LIFR: variants seen among roughly 807,000 people sequenced by gnomAD.
LIFR encodes the protein leukemia inhibitory factor receptor.
Under a neutral mutation model 122.2 loss-of-function variants are expected in LIFR, and 84 were observed. The observed-to-expected ratio is 0.69, with a 90% CI of 0.58 to 0.82. The LOEUF (loss-of-function observed/expected upper bound fraction) is 0.82, where lower values mean the gene tolerates loss of function less well. Among genes scored for constraint, LIFR ranks in the 40% least tolerant of loss-of-function variants. LIFR has a pLI of 0.00. For synonymous variants in LIFR, 422 were observed against 434.7 expected, an observed-to-expected ratio of 0.97 and a Z score of 0.36; for missense variants, 1,294 against 1,311.6, an observed-to-expected ratio of 0.99 and a Z score of 0.21.
At chr5:38,552,760 G>A (rs937247198) in intron 1 of LIFR, among the ~76,000 whole-genome samples, 5 of 152,146 alleles carry the variant, frequency 3.3e-5, no homozygotes, top group South Asian at 2.1e-4. Flanking sequence ...CAGTATAACC[G>A]ATTGGCTGAT....
chr5:38,538,252 C>T (rs1479655663), intron 1 of LIFR, among the ~76,000 whole-genome samples: 1 of 152,174 alleles, frequency 6.6e-6, no homozygotes, highest in Non-Finnish European at 1.5e-5. Context: ...GCCTACTGCT[C>T]CTTCTATCCT....
chr5:38,557,619 C>G (rs2112681860), upstream of LIFR: 1 of 154,834 alleles, frequency 6.5e-6, no homozygotes, highest in South Asian at 2.0e-4. Context: ...AGCACCAAGG[C>G]CAACGTGTTT....
At chr5:38,494,995 G>A (rs573768453) in intron 13 of LIFR, among the ~76,000 whole-genome samples, 1 of 152,272 alleles carries the variant, frequency 6.6e-6, no homozygotes, top group African/African-American at 2.4e-5. Context: ...ACTACTAAAC[G>A]CAAGACAACA....
intron 12 of LIFR, among the ~76,000 whole-genome samples, chr5:38,496,979 A>T (rs1274717661): frequency 6.6e-6 from 1 of 151,732 alleles, no homozygotes; most frequent in East Asian, 1.9e-4. Context: ...TCCATCTCAA[A>T]AACAAAAAAC....
intron 15 of LIFR, 27 bp downstream of exon 15, chr5:38,490,163 T>C (rs777960551): frequency 9.9e-7 from 1 of 1,014,600 alleles, no homozygotes; most frequent in Middle Eastern, 2.1e-4. Flanking sequence ...CCTTGAGCTC[T>C]TATAAATAAG....
At chr5:38,531,393 A>C (rs926169501) in intron 1 of LIFR, among the ~76,000 whole-genome samples, 9 of 152,172 alleles carry the variant, frequency 5.9e-5, no homozygotes, top group Non-Finnish European at 1.3e-4. Flanking sequence ...AGCAAAGGCT[A>C]AAATATTAAA....
chr5:38,515,621 A>G (rs1484221706), intron 5 of LIFR, among the ~76,000 whole-genome samples: 1 of 150,924 alleles, frequency 6.6e-6, no homozygotes, highest in Non-Finnish European at 1.5e-5. Flanking sequence ...AGGAGCAGAG[A>G]GAAATGAGGC....
At chr5:38,567,866 T>G (rs1185797840) in intron 1 of LIFR, among the ~76,000 whole-genome samples, 1 of 152,102 alleles carries the variant, frequency 6.6e-6, no homozygotes, top group Non-Finnish European at 1.5e-5. Flanking sequence ...ATGAGGTTAA[T>G]ATTCCCCCAG....
chr5:38,514,757 T>C (rs1745985669), intron 5 of LIFR, among the ~76,000 whole-genome samples: 1 of 152,318 alleles, frequency 6.6e-6, no homozygotes, highest in East Asian at 1.9e-4. Flanking sequence ...GTGCTAAACA[T>C]GTGCAGACAC....
chr5:38,548,371 T>G (rs1370245023), intron 1 of LIFR, among the ~76,000 whole-genome samples: 3 of 152,204 alleles, frequency 2.0e-5, no homozygotes, highest in Non-Finnish European at 4.4e-5. Flanking sequence ...GAGGCAATGT[T>G]TGTGTTCAGT....
At chr5:38,593,634 T>A (rs1056726593) in intron 1 of LIFR, among the ~76,000 whole-genome samples, 2 of 152,060 alleles carry the variant, frequency 1.3e-5, no homozygotes, top group Non-Finnish European at 2.9e-5. Context: ...ACAGAATGAA[T>A]GTTTATGTCT....
At chr5:38,590,932 A>G (rs1749903422) in intron 1 of LIFR, among the ~76,000 whole-genome samples, 1 of 152,200 alleles carries the variant, frequency 6.6e-6, no homozygotes. Context: ...TGGTGAAGCA[A>G]TGTTGAGAAA....
intron 7 of LIFR, among the ~76,000 whole-genome samples, chr5:38,509,991 T>C (rs572768273): frequency 6.2e-4 from 94 of 152,328 alleles, no homozygotes; most frequent in African/African-American, 2.2e-3. Flanking sequence ...CCTGCCAGCC[T>C]GTTCTCCTCA....
chr5:38,549,762 G>A lies in LIFR; in HGVS notation c.-20+6572C>T, dbSNP rs539758036. ...GCTGAGACTGCGCCACTGCACGCCA[G>A]CCAGGGCAACACAGCGAGACTCCGT... On this transcript the variant is annotated intron_variant, in intron 1 of 19. Transcript: ENST00000453190. Among the ~76,000 whole-genome samples the A allele has an allele frequency of 2.4e-4, 37 of 152,326 alleles. 2 individuals carry two copies. The South Asian group carries it at 7.2e-3, about 30-fold the overall frequency.
intron 1 of LIFR, among the ~76,000 whole-genome samples, chr5:38,583,944 T>C (rs1448488706): frequency 6.6e-6 from 1 of 152,160 alleles, no homozygotes; most frequent in African/African-American, 2.4e-5. Context: ...CCTGCTGCCA[T>C]GTAAGATGTA....
At chr5:38,485,430 T>C (rs754604482) in intron 17 of LIFR, among the ~76,000 whole-genome samples, 22 of 152,204 alleles carry the variant, frequency 1.4e-4, no homozygotes, top group Non-Finnish European at 1.2e-4. Context: ...CTCTCAAATT[T>C]GAGTGTTGTG....
chr5:38,588,427 G>A lies in LIFR; in HGVS notation c.-20+6834C>T, dbSNP rs539899712. Among the ~76,000 whole-genome samples the A allele has an allele frequency of 1.5e-4, 23 of 152,288 alleles. No homozygotes were observed. In the East Asian group the frequency reaches 2.1e-3, roughly 14 times the overall value. ...TGATGAGACTGTCTAATCATTCCCCGTGGCTTTAAATACTTTTATTGACCT... is the reference window on the plus strand; with the variant it reads ...TGATGAGACTGTCTAATCATTCCCCATGGCTTTAAATACTTTTATTGACCT... On this transcript the variant is annotated intron_variant, in intron 1 of 19. Transcript: ENST00000263409.
At chr5:38,600,054 G>A (rs1750194504), upstream of LIFR, among the ~76,000 whole-genome samples, 1 of 152,126 alleles carries the variant, frequency 6.6e-6, no homozygotes, top group Admixed American at 6.5e-5. Context: ...TAAAACCTTG[G>A]TCTCCACAAT....
chr5:38,543,154 C>T (rs1376060381), intron 1 of LIFR, among the ~76,000 whole-genome samples: 1 of 151,774 alleles, frequency 6.6e-6, no homozygotes, highest in Non-Finnish European at 1.5e-5. Context: ...CATATTTCTA[C>T]TGATTGGAAA....
Sources: allele counts gnomAD v4.1 joint callset (sites outside exome capture counted in the v4.1 genomes callset), GRCh38; gene constraint gnomAD v4.1.1; transcripts MANE v1.5; gene names NCBI Gene and HGNC (gene_info 2026-07-23, HGNC 2026-07-21).